CHODL: variants seen among roughly 807,000 people sequenced by gnomAD.
CHODL encodes transmembrane protein MT75.
Under a neutral mutation model 34.5 loss-of-function variants are expected in CHODL, and 29 were observed. That is an observed-to-expected ratio of 0.84 (90% CI 0.63 to 1.15). CHODL has a LOEUF of 1.15. CHODL is among the 50% of genes most tolerant of loss of function. The pLI is 0.00. For missense variants in CHODL, 332 were observed against 332.5 expected (o/e 1.00, Z 0.01); for synonymous variants, 125 against 116.1 (o/e 1.08, Z -0.49).
upstream of CHODL, among the ~76,000 whole-genome samples, chr21:18,243,780 C>T (rs1358799868): frequency 6.6e-6 from 1 of 152,124 alleles, no homozygotes; most frequent in Non-Finnish European, 1.5e-5. Context: ...TCAGTATTTA[C>T]TTCCTTTTTC....
Position 18,045,037 on chromosome 21 carries a change from G to A in CHODL, c.-45+17066G>A, listed in dbSNP as rs1243702123. On this transcript the variant is annotated intron_variant, in intron 2 of 6. Transcript: ENST00000400127. ...CAAACTTCCCAGATTTAGATGAATC[G>A]GTGATAAGAAAAAAGCAGTGTGATG... is the stretch of plus-strand genomic sequence containing the variant. 4.0e-5 allele frequency among the ~76,000 whole-genome samples: 6 copies of A among 151,770 alleles called. No individual in the cohort carries two copies. In the South Asian group the frequency reaches 6.2e-4, roughly 16 times the overall value.
Position 17,985,240 on chromosome 21 carries a change from G to A in CHODL, c.-144-42632G>A, listed in dbSNP as rs114359521. Among the ~76,000 whole-genome samples the A allele has an allele frequency of 8.5e-3, 1,287 of 151,950 alleles. 12 individuals carry two copies. The highest frequency in any genetic ancestry group is 0.029 in the African/African-American group (1,200 of 41,458). On this transcript the variant is annotated intron_variant, in intron 1 of 6. Coordinates refer to the CHODL transcript ENST00000400127. Reference sequence around the variant, plus strand: ...TCCTTTAGTAAAACCTGTAGTTCTCGTCCCATAAACTTAGCTTTTTACTTT... The same window carrying A: ...TCCTTTAGTAAAACCTGTAGTTCTCATCCCATAAACTTAGCTTTTTACTTT...
chr21:18,019,191 ATTTC>A (rs1248527968), intron 1 of CHODL, among the ~76,000 whole-genome samples: 1 of 152,202 alleles, frequency 6.6e-6, no homozygotes, highest in African/African-American at 2.4e-5. Flanking sequence ...ATTTTAAGCT[ATTTC>A]TTTCTAGCTA....
intron 2 of CHODL, among the ~76,000 whole-genome samples, chr21:18,056,499 G>T (rs2064582573): frequency 6.8e-6 from 1 of 147,782 alleles, no homozygotes; most frequent in Non-Finnish European, 1.5e-5. Flanking sequence ...TGTGGTGAGT[G>T]GGGCATTCCC....
chr21:18,016,021 G>A (rs1359672258), intron 1 of CHODL, among the ~76,000 whole-genome samples: 1 of 152,190 alleles, frequency 6.6e-6, no homozygotes, highest in East Asian at 1.9e-4. Flanking sequence ...GCCTGACTAT[G>A]GTAGGAAAGA....
chr21:18,013,356 G>T (rs1409601635), intron 1 of CHODL, among the ~76,000 whole-genome samples: 1 of 151,854 alleles, frequency 6.6e-6, no homozygotes, highest in African/African-American at 2.4e-5. Context: ...TTCAAAAGGA[G>T]GTCTAATGCT....
intron 2 of CHODL, among the ~76,000 whole-genome samples, chr21:18,092,509 T>C (rs577136758): frequency 1.3e-5 from 2 of 152,328 alleles, no homozygotes; most frequent in East Asian, 3.9e-4. Flanking sequence ...CTAATTCTGG[T>C]AAAACAGAGA....
intron 2 of CHODL, among the ~76,000 whole-genome samples, chr21:18,138,591 A>AT (rs1158915465): frequency 6.6e-6 from 1 of 152,190 alleles, no homozygotes; most frequent in African/African-American, 2.4e-5. Context: ...AATGGAATGG[A>AT]TGGATGCATT....
intron 2 of CHODL, among the ~76,000 whole-genome samples, chr21:18,119,073 T>G (rs536155778): frequency 6.6e-6 from 1 of 152,128 alleles, no homozygotes; most frequent in Admixed American, 6.6e-5. Flanking sequence ...AAAAGAAGCT[T>G]TAGTGAGGTG....
chr21:17,963,699 T>G (rs1438876773), intron 1 of CHODL, among the ~76,000 whole-genome samples: 1 of 152,276 alleles, frequency 6.6e-6, no homozygotes, highest in South Asian at 2.1e-4. Flanking sequence ...ACCATATCAA[T>G]TATCATTTTT....
intron 2 of CHODL, among the ~76,000 whole-genome samples, chr21:18,139,482 T>C (rs2146607680): frequency 6.6e-6 from 1 of 152,266 alleles, no homozygotes; most frequent in Admixed American, 6.5e-5. Context: ...TGAAAGCTCA[T>C]GGCCCAAGTA....
intron 2 of CHODL, among the ~76,000 whole-genome samples, chr21:18,202,389 C>T (rs1278889991): frequency 1.3e-5 from 2 of 152,084 alleles, no homozygotes; most frequent in Admixed American, 6.5e-5. Flanking sequence ...GGGTAGAACC[C>T]TAACTCAATA....
intron 2 of CHODL, among the ~76,000 whole-genome samples, chr21:18,040,856 G>T (rs187064348): frequency 6.6e-6 from 1 of 151,696 alleles, no homozygotes; most frequent in Non-Finnish European, 1.5e-5. Context: ...TTTCATGACT[G>T]ATTTCTCTTT....
chr21:18,095,405 A>G lies in CHODL; in HGVS notation c.-45+67434A>G, dbSNP rs376153415. Among the ~76,000 whole-genome samples the G allele has an allele frequency of 5.3e-5, 8 of 152,264 alleles. 1 individual carries two copies. Among genetic ancestry groups the G allele is most frequent in the Admixed American group, 6.5e-5 (1 of 15,290 alleles). ...ATATGCCAGTATATTTAAAAAAACT[A>G]AAAGAAATGGGTAAATTCCCTGACA... is the stretch of plus-strand genomic sequence containing the variant. On this transcript the variant is annotated intron_variant, in intron 2 of 6. Coordinates refer to the CHODL transcript ENST00000400127.
At chr21:18,195,648 T>C (rs2073578354) in intron 2 of CHODL, among the ~76,000 whole-genome samples, 1 of 152,176 alleles carries the variant, frequency 6.6e-6, no homozygotes, top group Admixed American at 6.5e-5. Flanking sequence ...CTGTATTATA[T>C]CTGTTTCAAT....
chr21:18,182,744 G>A (rs938302943), intron 2 of CHODL, among the ~76,000 whole-genome samples: 5 of 152,046 alleles, frequency 3.3e-5, no homozygotes, highest in Admixed American at 2.0e-4. Context: ...GTAAAAGTAA[G>A]TGCATTAGTC....
intron 2 of CHODL, among the ~76,000 whole-genome samples, chr21:18,212,329 TA>T (rs2073782643): frequency 6.6e-6 from 1 of 152,154 alleles, no homozygotes; most frequent in Non-Finnish European, 1.5e-5. Context: ...TTTTTGGTTT[TA>T]GATACAAGTA....
At chr21:18,099,960 T>G (rs1011860312) in intron 2 of CHODL, 1 of 152,110 alleles carries the variant, frequency 6.6e-6, no homozygotes, top group Non-Finnish European at 1.5e-5. Context: ...GGGGTCCAGA[T>G]GTTATCCACA....
rs1335747079 is a variant in CHODL, at chr21:18,265,308, C to CATATATATAT, written c.738-645_738-644insTATATATATA. Among the ~76,000 whole-genome samples the CATATATATAT allele has an allele frequency of 2.2e-4, 27 of 123,388 alleles. No homozygotes were observed. The East Asian group carries it at 2.6e-3, about 12-fold the overall frequency. The allele number at this position is 123,388 out of a possible 152,430, so 80.9% of individuals were successfully genotyped here. On this transcript the variant is annotated intron_variant, in intron 5 of 5. Coordinates refer to ENST00000299295, the MANE Select transcript of CHODL (RefSeq NM_024944.3). The stretch of plus-strand genomic sequence containing the variant: ...ATATATACACACACACACACACACA[C>CATATATATAT]ACATATATATATATGATGGAATACT...
Sources: allele counts gnomAD v4.1 joint callset (sites outside exome capture counted in the v4.1 genomes callset), GRCh38; gene constraint gnomAD v4.1.1; transcripts MANE v1.5; gene names NCBI Gene and HGNC (gene_info 2026-07-23, HGNC 2026-07-21).